Variants in RGS7 observed in about 807,000 individuals in gnomAD.
RGS7 encodes the protein regulator of G-protein signaling 7.
Under a neutral mutation model 81.1 loss-of-function variants are expected in RGS7, and 27 were observed. The observed-to-expected ratio is 0.33, with a 90% confidence interval of 0.25 to 0.46. RGS7 has a LOEUF of 0.46. Ranked by LOEUF, RGS7 falls within the 20% of genes least tolerant of loss-of-function variation. The probability of loss-of-function intolerance (pLI) is 1.00; values close to 1 mark genes in which losing one functional copy is unlikely to be tolerated. For missense variants in RGS7, 396 were observed against 607.4 expected, an observed-to-expected ratio of 0.65 and a Z score of 3.66; for synonymous variants, 208 against 207.7, an observed-to-expected ratio of 1.00 and a Z score of -0.01.
intron 2 of RGS7, among the ~76,000 whole-genome samples, chr1:241,277,312 G>A (rs1191300038): frequency 1.3e-5 from 2 of 152,106 alleles, no homozygotes; most frequent in Non-Finnish European, 2.9e-5. Flanking sequence ...GTAAACATTA[G>A]TTTGGCACTC....
At chr1:240,790,101 G>T (rs960789370) in intron 18 of RGS7, among the ~76,000 whole-genome samples, 1 of 151,924 alleles carries the variant, frequency 6.6e-6, no homozygotes, top group Admixed American at 6.6e-5. Context: ...GCCCAATAGC[G>T]CATGCCTGTA....
chr1:240,998,570 A>G (rs1201968818), intron 3 of RGS7: 6 of 827,090 alleles, frequency 7.3e-6, no homozygotes, highest in Non-Finnish European at 1.2e-5. Flanking sequence ...CTGCTGGTAC[A>G]GATAGAGCCA....
intron 6 of RGS7, among the ~76,000 whole-genome samples, chr1:240,871,713 A>G (rs1664522309): frequency 6.6e-6 from 1 of 152,252 alleles, no homozygotes; most frequent in African/African-American, 2.4e-5. Flanking sequence ...TAAAATATCT[A>G]AAATGTTCTA....
chr1:241,077,298 TAA>T (rs2062858181), intron 3 of RGS7, among the ~76,000 whole-genome samples: 1 of 152,158 alleles, frequency 6.6e-6, no homozygotes, highest in Non-Finnish European at 1.5e-5. Flanking sequence ...TGAAAATGGA[TAA>T]GGGTTCACAG....
In RGS7 at chr1:240,935,686, C is replaced by T. The variant is rs568293876; in HGVS notation, c.333+914G>A. Reference sequence around the variant, plus strand: ...TTAAAGTGATTTTTAAAGCATATTTCCTCTTTGTTCTCAGTTTTCCCAAAC... The same window carrying T: ...TTAAAGTGATTTTTAAAGCATATTTTCTCTTTGTTCTCAGTTTTCCCAAAC... On this transcript the variant is annotated intron_variant, in intron 5 of 18. Transcript: ENST00000440928. Among the ~76,000 whole-genome samples, 274 of 152,262 alleles carry T rather than the reference C, an allele frequency of 1.8e-3. 1 individual carries two copies. In the Middle Eastern group the frequency reaches 0.027, roughly 15 times the overall value.
intron 6 of RGS7, among the ~76,000 whole-genome samples, chr1:240,905,681 G>C (rs1670705780): frequency 6.6e-6 from 1 of 152,156 alleles, no homozygotes; most frequent in Non-Finnish European, 1.5e-5. Context: ...GGAAGCGTTG[G>C]AGTGTGGAGT....
intron 9 of RGS7, among the ~76,000 whole-genome samples, chr1:240,837,155 T>TA (rs1181681995): frequency 1.3e-5 from 2 of 152,196 alleles, no homozygotes; most frequent in Non-Finnish European, 2.9e-5. Flanking sequence ...CTTTGAAATT[T>TA]AAAAAATCAC....
intron 2 of RGS7, among the ~76,000 whole-genome samples, chr1:241,259,667 A>AAAAAAAAAAATATATATATATATAT: frequency 2.0e-5 from 1 of 49,144 alleles, no homozygotes; most frequent in Non-Finnish European, 3.6e-5. Context: ...AAAAAAAAAA[A>AAAAAAAAAAATATATATATATATAT]ATATATATAT....
intron 2 of RGS7, among the ~76,000 whole-genome samples, chr1:241,158,869 CA>C (rs992255942): frequency 6.6e-6 from 1 of 152,130 alleles, no homozygotes; most frequent in Non-Finnish European, 1.5e-5. Flanking sequence ...TTCAATTAAA[CA>C]AAAATGCCTG....
chr1:241,242,110 C>A (rs903578801), intron 2 of RGS7, among the ~76,000 whole-genome samples: 5 of 152,046 alleles, frequency 3.3e-5, no homozygotes, highest in Non-Finnish European at 7.4e-5. Context: ...GCCCCCCACC[C>A]TTTCCCCTGA....
At position 241,340,350 on chromosome 1, in the gene RGS7, A is replaced by G. The variant is rs1377212843; in HGVS notation, c.78+15349T>C. On this transcript the variant is annotated intron_variant, in intron 2 of 18. Coordinates refer to ENST00000440928, the MANE Select transcript of RGS7 (RefSeq NM_001364886.1). ...CCTCAGAATAGAGGGAATGCTGTATAGTCACTAATGCTGTCCAAACTTAAG... is the reference window on the plus strand; with the variant it reads ...CCTCAGAATAGAGGGAATGCTGTATGGTCACTAATGCTGTCCAAACTTAAG... Among the ~76,000 whole-genome samples the G allele has an allele frequency of 2.0e-5, 3 of 152,206 alleles. 1 individual carries two copies. The highest frequency in any genetic ancestry group is 4.4e-5 in the Non-Finnish European group (3 of 68,028).
At chr1:241,248,711 C>T (rs1462413339) in intron 2 of RGS7, among the ~76,000 whole-genome samples, 1 of 152,086 alleles carries the variant, frequency 6.6e-6, no homozygotes, top group Non-Finnish European at 1.5e-5. Context: ...TAAAGTGTCA[C>T]AATCTACTTT....
At chr1:241,071,834 A>G (rs2062465900) in intron 3 of RGS7, among the ~76,000 whole-genome samples, 2 of 136,292 alleles carry the variant, frequency 1.5e-5, no homozygotes, top group African/African-American at 5.6e-5. Context: ...TGATCACACT[A>G]TTGCACTCCA....
intron 6 of RGS7, chr1:240,919,654 T>A (rs1260918661): frequency 4.1e-6 from 2 of 484,570 alleles, no homozygotes; most frequent in Non-Finnish European, 7.6e-6. Flanking sequence ...CCTGCCCTCA[T>A]GCCTAAGTCA....
At chr1:240,861,193 C>T (rs1363089852) in intron 9 of RGS7, among the ~76,000 whole-genome samples, 13 of 152,156 alleles carry the variant, frequency 8.5e-5, no homozygotes, top group African/African-American at 2.9e-4. Flanking sequence ...CAACTATTCT[C>T]ACTACTTTGT....
intron 2 of RGS7, among the ~76,000 whole-genome samples, chr1:241,352,411 A>G (rs957624348): frequency 6.6e-6 from 1 of 152,236 alleles, no homozygotes; most frequent in Non-Finnish European, 1.5e-5. Context: ...CAAGTACATA[A>G]AACACCACAG....
intron 3 of RGS7, among the ~76,000 whole-genome samples, chr1:241,062,639 G>A (rs1051649027): frequency 8.5e-5 from 13 of 152,060 alleles, no homozygotes; most frequent in African/African-American, 2.4e-4. Flanking sequence ...CATATTTTCC[G>A]GCTATTTCTG....
chr1:241,119,849 T>G (rs2066130300), intron 2 of RGS7, among the ~76,000 whole-genome samples: 1 of 151,844 alleles, frequency 6.6e-6, no homozygotes, highest in African/African-American at 2.4e-5. Context: ...AAAAAAGGTG[T>G]GCCAAATATT....
intron 2 of RGS7, among the ~76,000 whole-genome samples, chr1:241,296,101 T>C (rs536085396): frequency 3.3e-5 from 5 of 152,136 alleles, no homozygotes; most frequent in Non-Finnish European, 7.4e-5. Flanking sequence ...GGTGTGGATT[T>C]GGGAATTATC....
Sources: gnomAD v4.1 joint callset for allele counts (sites outside exome capture counted in the v4.1 genomes callset) on GRCh38, gnomAD v4.1.1 for gene constraint, MANE v1.5 for transcripts, NCBI Gene and HGNC (gene_info 2026-07-23, HGNC 2026-07-21) for gene names.